KIAA0825: variants seen among roughly 807,000 people sequenced by gnomAD.
KIAA0825 encodes uncharacterized protein KIAA0825.
In KIAA0825, 119 loss-of-function variants were observed where a neutral mutation model predicts 147.6. That is an observed-to-expected ratio of 0.81 (90% CI 0.69 to 0.94). The LOEUF (loss-of-function observed/expected upper bound fraction) is 0.94. KIAA0825 is among the 40% of genes least tolerant of loss of function. The pLI, the probability that KIAA0825 is intolerant of heterozygous loss-of-function variation, is 0.00. For synonymous variants in KIAA0825, 470 were observed against 518.1 expected (o/e 0.91, Z 1.26); for missense variants, 1,381 against 1,472.7 (o/e 0.94, Z 1.02).
At chr5:94,297,690 G>A (rs1778199708) in intron 20 of KIAA0825, among the ~76,000 whole-genome samples, 1 of 151,740 alleles carries the variant, frequency 6.6e-6, no homozygotes, top group South Asian at 2.1e-4. Flanking sequence ...CCACCTCCTG[G>A]GCTCAAGCAG....
intron 5 of KIAA0825, among the ~76,000 whole-genome samples, chr5:94,499,231 G>A (rs1431979678): frequency 6.6e-6 from 1 of 152,122 alleles, no homozygotes; most frequent in Admixed American, 6.5e-5. Flanking sequence ...GATGAAAGAA[G>A]CCAGAAGACC....
chr5:94,162,933 T>C (rs1490987965), intron 20 of KIAA0825, among the ~76,000 whole-genome samples: 2 of 152,216 alleles, frequency 1.3e-5, no homozygotes, highest in Non-Finnish European at 2.9e-5. Context: ...CTACCAGTAT[T>C]GAGTAGTAGC....
chr5:94,166,088 C>T (rs1768000795), intron 20 of KIAA0825, among the ~76,000 whole-genome samples: 1 of 152,112 alleles, frequency 6.6e-6, no homozygotes, highest in Non-Finnish European at 1.5e-5. Flanking sequence ...TTTCACATTA[C>T]ATGCCTGTAT....
At chr5:94,535,929 CATGTA>C (rs912613649) in intron 3 of KIAA0825, among the ~76,000 whole-genome samples, 2 of 152,208 alleles carry the variant, frequency 1.3e-5, no homozygotes, top group African/African-American at 4.8e-5. Flanking sequence ...ATCTTAATAA[CATGTA>C]ATGTAATGGG....
At chr5:94,293,736 G>A (rs1234250332) in intron 20 of KIAA0825, among the ~76,000 whole-genome samples, 1 of 152,150 alleles carries the variant, frequency 6.6e-6, no homozygotes, top group Non-Finnish European at 1.5e-5. Context: ...GTATTATCGT[G>A]AGGGAGTCTA....
At chr5:94,519,019 A>G (rs984327673) in intron 5 of KIAA0825, among the ~76,000 whole-genome samples, 1 of 152,108 alleles carries the variant, frequency 6.6e-6, no homozygotes, top group Non-Finnish European at 1.5e-5. Flanking sequence ...TTTAAAATTT[A>G]TGTGTTAACA....
intron 20 of KIAA0825, among the ~76,000 whole-genome samples, chr5:94,355,927 A>G (rs1011971086): frequency 7.2e-5 from 11 of 152,194 alleles, no homozygotes; most frequent in African/African-American, 2.7e-4. Flanking sequence ...AGAGAAAAGA[A>G]TTGTCCAACT....
At chr5:94,351,759 A>G (rs1783696585) in intron 20 of KIAA0825, among the ~76,000 whole-genome samples, 2 of 152,222 alleles carry the variant, frequency 1.3e-5, no homozygotes, top group African/African-American at 2.4e-5. Flanking sequence ...CCAATGGAAC[A>G]GAATAAATAA....
intron 20 of KIAA0825, among the ~76,000 whole-genome samples, chr5:94,311,473 C>T (rs1257416040): frequency 2.0e-5 from 3 of 151,462 alleles, no homozygotes; most frequent in Non-Finnish European, 3.0e-5. Context: ...CATACTGCCA[C>T]GCAAATAGCA....
At chr5:94,264,971 T>C (rs1017593863) in intron 20 of KIAA0825, among the ~76,000 whole-genome samples, 1 of 151,728 alleles carries the variant, frequency 6.6e-6, no homozygotes, top group Admixed American at 6.6e-5. Flanking sequence ...TTAGTAGAGA[T>C]GGGGTTTTTC....
chr5:94,207,617 C>T (rs1196309959), intron 20 of KIAA0825, among the ~76,000 whole-genome samples: 1 of 152,124 alleles, frequency 6.6e-6, no homozygotes. Flanking sequence ...CATATGTTTC[C>T]GTGGTGTCTA....
Position 94,403,599 on chromosome 5 carries a change from T to C in KIAA0825, c.2857A>G (p.Lys953Glu), listed in dbSNP as rs1751674108. The C allele has an allele frequency of 6.4e-7, 1 of 1,551,562 alleles. No homozygotes were observed. Among genetic ancestry groups the C allele is most frequent in the Non-Finnish European group, 8.7e-7 (1 of 1,146,874 alleles). Residue 953 changes from lysine to glutamate, a missense_variant, in exon 16 of 21, where the codon AAA becomes GAA. By Grantham distance (56) the Lys-to-Glu change is moderately conservative. Transcript: ENST00000682413. ...SMPKEWNYSP[K>E]ETNRKESCKS... ...CATGATTCTTTCCTGTTAGTTTCTTTTGGACTATAATTCCATTCCTTTGGC... is the reference window on the plus strand; with the variant it reads ...CATGATTCTTTCCTGTTAGTTTCTTCTGGACTATAATTCCATTCCTTTGGC...
intron 20 of KIAA0825, among the ~76,000 whole-genome samples, chr5:94,219,369 A>G (rs1773486565): frequency 6.6e-6 from 1 of 151,810 alleles, no homozygotes; most frequent in Non-Finnish European, 1.5e-5. Context: ...CTTGCCCACC[A>G]CTCACCTCCT....
At chr5:94,261,304 CA>C (rs1197430900) in intron 20 of KIAA0825, among the ~76,000 whole-genome samples, 1 of 151,138 alleles carries the variant, frequency 6.6e-6, no homozygotes, top group Non-Finnish European at 1.5e-5. Flanking sequence ...GAGTCTGTTT[CA>C]AAAAAAATAA....
intron 3 of KIAA0825, among the ~76,000 whole-genome samples, chr5:94,527,355 T>C (rs796483275): frequency 6.6e-6 from 1 of 152,030 alleles, no homozygotes; most frequent in Non-Finnish European, 1.5e-5. Flanking sequence ...TTCAGCTTAT[T>C]ATAAAGTTCT....
intron 12 of KIAA0825, among the ~76,000 whole-genome samples, chr5:94,459,970 A>G (rs1759608457): frequency 6.6e-6 from 1 of 152,102 alleles, no homozygotes; most frequent in African/African-American, 2.4e-5. Context: ...CATCTTGCTC[A>G]TTGTTGTATC....
chr5:94,414,981 T>G (rs1753258751), intron 15 of KIAA0825: 1 of 152,246 alleles, frequency 6.6e-6, no homozygotes, highest in African/African-American at 2.4e-5. Context: ...GGAAAAACTG[T>G]CTTCCACAAA....
chr5:94,510,972 T>TA (rs982956986), intron 5 of KIAA0825, among the ~76,000 whole-genome samples: 3 of 152,176 alleles, frequency 2.0e-5, no homozygotes, highest in African/African-American at 7.2e-5. Context: ...ATTCTTATGT[T>TA]AAAATCCTAA....
intron 20 of KIAA0825, among the ~76,000 whole-genome samples, chr5:94,229,815 G>T (rs192111800): frequency 6.6e-6 from 1 of 151,974 alleles, no homozygotes; most frequent in East Asian, 1.9e-4. Flanking sequence ...ATTTATTGTA[G>T]ATTTTCTTCA....
Sources: gnomAD v4.1 joint callset for allele counts (sites outside exome capture counted in the v4.1 genomes callset) on GRCh38, gnomAD v4.1.1 for gene constraint, MANE v1.5 for transcripts, NCBI Gene and HGNC (gene_info 2026-07-23, HGNC 2026-07-21) for gene names.